Variants in SRPX observed in about 807,000 individuals in gnomAD.
The protein encoded by SRPX is sushi repeat containing protein X-linked, also known as sushi repeat-containing protein SRPX.
A neutral mutation model predicts 38.1 loss-of-function variants in SRPX; 24 were observed. That is an observed-to-expected ratio of 0.63 (90% confidence interval 0.46 to 0.89). The LOEUF is 0.89. Among genes scored for constraint, SRPX ranks in the 40% least tolerant of loss-of-function variants. SRPX has a pLI of 0.00. For missense variants in SRPX, 416 were observed against 377.8 expected (o/e 1.10, Z -0.84); for synonymous variants, 184 against 153.8 (o/e 1.20, Z -1.45).
intron 1 of SRPX, among the ~76,000 whole-genome samples, chrX:38,213,810 G>A (rs1939379644): frequency 1.8e-5 from 2 of 111,881 alleles, no homozygotes; most frequent in Admixed American, 9.5e-5. Context: ...CATGGCCAGA[G>A]CAGGAGCGAG....
At chrX:38,164,297 C>G (rs750910134) in intron 5 of SRPX, among the ~76,000 whole-genome samples, 1 of 110,117 alleles carries the variant, frequency 9.1e-6, no homozygotes, top group Non-Finnish European at 1.9e-5. Context: ...TGTGTGCCAC[C>G]ATGCCTGGCT....
At chrX:38,185,866 G>A (rs1238688548) in intron 1 of SRPX, among the ~76,000 whole-genome samples, 12 of 90,941 alleles carry the variant, frequency 1.3e-4, no homozygotes, top group African/African-American at 4.5e-4. Context: ...GCTTAGCTGT[G>A]AATAGATGCT....
chrX:38,150,056 A>G (rs1234700939), intron 9 of SRPX, among the ~76,000 whole-genome samples, 162 bp from the exon 10 acceptor site: 2 of 111,793 alleles, frequency 1.8e-5, no homozygotes, highest in East Asian at 5.6e-4. Context: ...GTGACCCTTG[A>G]ACCAGCAGCA....
At chrX:38,208,245 A>G (rs1939250145) in intron 1 of SRPX, among the ~76,000 whole-genome samples, 1 of 111,866 alleles carries the variant, frequency 8.9e-6, no homozygotes, top group Non-Finnish European at 1.9e-5. Context: ...ATGTATGTGC[A>G]TACCCATGAG....
intron 9 of SRPX, among the ~76,000 whole-genome samples, chrX:38,150,943 C>T (rs1164043617): frequency 8.9e-6 from 1 of 111,830 alleles, no homozygotes; most frequent in African/African-American, 3.3e-5. Context: ...GTCTCTTCTC[C>T]AGATTTTTTT....
At position 38,149,644 on chromosome X, in the gene SRPX, A is replaced by G. The variant is rs1937970917; in HGVS notation, c.*67T>C. On this transcript the variant is annotated 3_prime_UTR_variant, in exon 10 of 10. Transcript: ENST00000378533. ...AATCTGTACATCAAGGATATTTTTA[A>G]GGCTTTCCCGTGTGCATGTCACTAT... 2 of 1,002,285 alleles carry G rather than the reference A, an allele frequency of 2.0e-6. No homozygotes were observed. Among genetic ancestry groups the G allele is most frequent in the Admixed American group, 6.2e-5 (2 of 32,050 alleles). 82.6% of individuals were successfully genotyped at this position (1,002,285 alleles called of 1,213,427 possible).
In SRPX at chrX:38,154,490, T is replaced by G. The variant is rs149411980; in HGVS notation, c.1183A>C (p.Met395Leu). ...TLIGRIGAKI[M>L]PPALALQLRL... ...AGCTGCAGCGCTAGGGCTGGAGGCA[T>G]AATCTTTGCTCCTATCCTGCCAATG... is the stretch of plus-strand genomic sequence containing the variant. The change falls in exon 9 of 10, where the codon ATG becomes CTG. Residue 395 changes from methionine to leucine, a missense_variant. Transcript: ENST00000378533. 9 of 1,204,419 alleles carry G rather than the reference T, an allele frequency of 7.5e-6. No individual in the cohort carries two copies. The highest frequency in any genetic ancestry group is 1.0e-5 in the Non-Finnish European group (9 of 892,471).
chrX:38,194,936 G>A (rs1447523919), intron 1 of SRPX, among the ~76,000 whole-genome samples: 2 of 92,028 alleles, frequency 2.2e-5, no homozygotes, highest in South Asian at 6.4e-4. Flanking sequence ...GCAGTGGCGC[G>A]ATCTTGGCTC....
intron 1 of SRPX, among the ~76,000 whole-genome samples, chrX:38,215,764 A>G (rs1289188528): frequency 2.7e-5 from 3 of 112,242 alleles, no homozygotes; most frequent in African/African-American, 9.7e-5. Context: ...TAAGTGGGGC[A>G]GGGGGGTACA....
rs1409633021 is a variant in SRPX at position 38,178,318 on chromosome X, C to A, written c.124G>T (p.Asp42Tyr). Residue 42 changes from aspartate to tyrosine, a missense_variant, in exon 2 of 10, where the codon GAT becomes TAT. Transcript: ENST00000378533. Reference protein sequence around the residue: ...PGSGDSPLEDDEVGYSHPRYK... With the variant: ...PGSGDSPLEDYEVGYSHPRYK... ...CTAGGGTGTGAATACCCGACTTCAT[C>A]GTCTTCTAGTGGTGAGTCTCCCGAT... 8.3e-7 allele frequency: 1 copy of A among 1,210,141 alleles called. No homozygotes were observed. The highest frequency in any genetic ancestry group is 1.1e-6 in the Non-Finnish European group (1 of 894,620).
At chrX:38,159,921 T>C in intron 7 of SRPX, 96 bp downstream of exon 7, 1 of 992,230 alleles carries the variant, frequency 1.0e-6, no homozygotes, top group Non-Finnish European at 1.4e-6. Flanking sequence ...GGCCATGAAC[T>C]TCTCAAAGTA....
chrX:38,201,553 C>A (rs1039658727), intron 1 of SRPX, among the ~76,000 whole-genome samples: 1 of 111,715 alleles, frequency 9.0e-6, no homozygotes, highest in Non-Finnish European at 1.9e-5. Context: ...AATTTGGGGC[C>A]GGGCATGGTG....
At chrX:38,177,131 A>G (rs1278131057) in intron 2 of SRPX, among the ~76,000 whole-genome samples, 1 of 111,130 alleles carries the variant, frequency 9.0e-6, no homozygotes, top group Non-Finnish European at 1.9e-5. Context: ...TCAACAAGGG[A>G]CTCAAAGAAA....
intron 6 of SRPX, 83 bp downstream of exon 6, chrX:38,160,850 T>G: frequency 8.9e-7 from 1 of 1,121,182 alleles, no homozygotes; most frequent in Non-Finnish European, 1.2e-6. Flanking sequence ...AGTAGGCACT[T>G]GAGAGAGTTC....
intron 1 of SRPX, among the ~76,000 whole-genome samples, chrX:38,189,434 T>A (rs1414158730): frequency 8.9e-6 from 1 of 112,021 alleles, no homozygotes; most frequent in Non-Finnish European, 1.9e-5. Flanking sequence ...CAGGTATCAT[T>A]CAGTGACTAG....
chrX:38,207,879 G>A (rs1939242220), intron 1 of SRPX, among the ~76,000 whole-genome samples: 1 of 112,182 alleles, frequency 8.9e-6, no homozygotes. Context: ...CAAAGACAGA[G>A]TAAAGATCCA....
At chrX:38,152,853 T>C (rs896694574) in intron 9 of SRPX, among the ~76,000 whole-genome samples, 2 of 112,234 alleles carry the variant, frequency 1.8e-5, no homozygotes, top group African/African-American at 6.5e-5. Context: ...GAGCAAGTAG[T>C]TCTAAATAAG....
At position 38,190,265 on chromosome X, in the gene SRPX, G is replaced by C. The variant is rs776243059; in HGVS notation, c.98-11921C>G. Among the ~76,000 whole-genome samples the C allele has an allele frequency of 3.6e-5, 4 of 112,111 alleles. No individual in the cohort carries two copies. The East Asian group carries it at 1.1e-3, about 31-fold the overall frequency. On this transcript the variant is annotated intron_variant, in intron 1 of 9. Coordinates refer to ENST00000378533, the MANE Select transcript of SRPX (RefSeq NM_006307.5). Reference sequence around the variant, plus strand: ...AAATGGCAGAGAGAGACAGAGAGAAGAGAGTGTGAAGAAAGATATTTCCAG... The same window carrying C: ...AAATGGCAGAGAGAGACAGAGAGAACAGAGTGTGAAGAAAGATATTTCCAG...
rs184541954 is a variant in SRPX, at chrX:38,186,998, G to C, written c.98-8654C>G. ...ATAAGCTTTGCTTCTAGGAAACCAA[G>C]CTAAGAGAGCCACTGAGTCTCTCTA... is the stretch of plus-strand genomic sequence containing the variant. On this transcript the variant is annotated intron_variant, in intron 1 of 9. Coordinates refer to ENST00000378533, the MANE Select transcript of SRPX (RefSeq NM_006307.5). 4.5e-5 allele frequency among the ~76,000 whole-genome samples: 5 copies of C among 111,229 alleles called. No homozygotes were observed. In the Admixed American group the frequency reaches 4.8e-4, roughly 11 times the overall value.
Sources: allele counts gnomAD v4.1 joint callset (sites outside exome capture counted in the v4.1 genomes callset), GRCh38; gene constraint gnomAD v4.1.1; transcripts MANE v1.5; gene names NCBI Gene and HGNC (gene_info 2026-07-23, HGNC 2026-07-21).